Variants in ZNF577 observed in about 807,000 individuals in gnomAD.
The protein encoded by ZNF577 is zinc finger protein 577.
A neutral mutation model predicts 13.9 loss-of-function variants in ZNF577; 14 were observed. The ratio of observed to expected loss-of-function variants is 1.00; its 90% CI spans 0.66 to 1.57. The LOEUF (loss-of-function observed/expected upper bound fraction) is 1.57, where lower values mean the gene tolerates loss of function less well. Ranked by LOEUF, ZNF577 falls within the 40% of genes most tolerant of loss-of-function variation. ZNF577 has a pLI of 0.00. For missense variants in ZNF577, 555 were observed against 579.2 expected, an observed-to-expected ratio of 0.96 and a Z score of 0.43; for synonymous variants, 203 against 202.9, an observed-to-expected ratio of 1.00 and a Z score of 0.00.
chr19:51,808,434 G>A (rs1254669336), intron 10 of ZNF577, among the ~76,000 whole-genome samples: 1 of 152,168 alleles, frequency 6.6e-6, no homozygotes, highest in Non-Finnish European at 1.5e-5. Flanking sequence ...ATCTGTAGGA[G>A]CAGCCAAAAG....
chr19:51,871,479 A>G lies in ZNF577; in HGVS notation c.*1053T>C, dbSNP rs989737404. 3.3e-5 allele frequency: 5 copies of G among 152,102 alleles called. No homozygotes were observed. Among genetic ancestry groups the G allele is most frequent in the Non-Finnish European group, 7.3e-5 (5 of 68,038 alleles). The allele number at this position is 152,102 out of a possible 1,614,324, so 9.4% of individuals were successfully genotyped here. A position where few individuals can be genotyped will look rare whatever the true frequency, so the allele number is the denominator to read the frequency against. Reference sequence around the variant, plus strand: ...ATTTACGTTTAGCAACATTTCAAGCACCATAAATCTCATGTTCTTTTTGGA... The same window carrying G: ...ATTTACGTTTAGCAACATTTCAAGCGCCATAAATCTCATGTTCTTTTTGGA... On this transcript the variant is annotated 3_prime_UTR_variant, in exon 6 of 6. Coordinates refer to ENST00000638348, the MANE Select transcript of ZNF577 (RefSeq NM_001370449.1).
At chr19:51,819,278 T>C (rs2084170009) in intron 9 of ZNF577, among the ~76,000 whole-genome samples, 1 of 152,192 alleles carries the variant, frequency 6.6e-6, no homozygotes, top group Non-Finnish European at 1.5e-5. Flanking sequence ...ATTGGTTATA[T>C]GAGACTAGAG....
At chr19:51,876,878 A>G (rs2084772774) in intron 5 of ZNF577, among the ~76,000 whole-genome samples, 1 of 151,650 alleles carries the variant, frequency 6.6e-6, no homozygotes, top group East Asian at 1.9e-4. Flanking sequence ...CAGTGAGCCA[A>G]GATCACATCA....
At position 51,868,434 on chromosome 19, in the gene ZNF577, C is replaced by T. The variant is rs1048495475; in HGVS notation, c.*4098G>A. ...ATCTGGCCCATGAGAGCAGGAAGAA[C>T]AAGGGCAAACATGTCCCACACAACA... On this transcript the variant is annotated 3_prime_UTR_variant, in exon 6 of 6. Coordinates refer to ENST00000638348, the MANE Select transcript of ZNF577 (RefSeq NM_001370449.1). Among the ~76,000 whole-genome samples, 3 of 152,156 alleles carry T rather than the reference C, an allele frequency of 2.0e-5. No individual in the cohort carries two copies. Among genetic ancestry groups the T allele is most frequent in the African/African-American group, 7.2e-5 (3 of 41,426 alleles).
chr19:51,833,540 T>C (rs2084272186), intron 9 of ZNF577, among the ~76,000 whole-genome samples: 1 of 152,210 alleles, frequency 6.6e-6, no homozygotes, highest in African/African-American at 2.4e-5. Flanking sequence ...GGCATGAGCC[T>C]GTAGGTGATT....
At chr19:51,819,691 GA>G (rs796735165) in intron 9 of ZNF577, among the ~76,000 whole-genome samples, 7 of 150,524 alleles carry the variant, frequency 4.7e-5, no homozygotes, top group African/African-American at 1.7e-4. Context: ...GGTGAGGTGA[GA>G]AAAAAAAAGC....
intron 9 of ZNF577, chr19:51,823,999 C>G (rs1201675968): frequency 1.2e-6 from 2 of 1,614,002 alleles, no homozygotes; most frequent in South Asian, 1.1e-5. Context: ...CGAATGGTCT[C>G]AGTCGCCATG....
chr19:51,843,209 T>C (rs35122610), exon 7 of ZNF577: 11,660 of 153,150 alleles, frequency 0.076, 662 homozygotes, highest in South Asian at 0.22. Flanking sequence ...TAGGTTGTTG[T>C]AATTTTCCAA....
At chr19:51,861,690 G>A (rs1195173468) in intron 5 of ZNF577, 1 of 152,276 alleles carries the variant, frequency 6.6e-6, no homozygotes, top group African/African-American at 2.4e-5. Context: ...TGATTTCTGA[G>A]TAAAGCTTTT....
chr19:51,882,479 TA>T (rs58821740), intron 1 of ZNF577, among the ~76,000 whole-genome samples: 7,152 of 128,248 alleles, frequency 0.056, 229 homozygotes, highest in Non-Finnish European at 0.087. Flanking sequence ...CAGTATCCAA[TA>T]AAAAAAAAAA....
chr19:51,844,079 G>C (rs1262432886), intron 6 of ZNF577, among the ~76,000 whole-genome samples: 1 of 132,966 alleles, frequency 7.5e-6, no homozygotes, highest in Non-Finnish European at 1.6e-5. Flanking sequence ...TTTTACATAA[G>C]TAAGTTACGG....
chr19:51,864,182 C>T (rs1174158105), downstream of ZNF577, among the ~76,000 whole-genome samples: 1 of 152,140 alleles, frequency 6.6e-6, no homozygotes, highest in Admixed American at 6.5e-5. Context: ...TACAGATTTG[C>T]TACATCATAT....
At chr19:51,883,123 G>A (rs1393726873) in intron 1 of ZNF577, among the ~76,000 whole-genome samples, 2 of 151,518 alleles carry the variant, frequency 1.3e-5, no homozygotes, top group Non-Finnish European at 2.9e-5. Flanking sequence ...CTCCTGAGTA[G>A]TTGGGATTAC....
At chr19:51,876,283 G>A (rs1407822502) in intron 5 of ZNF577, among the ~76,000 whole-genome samples, 1 of 152,126 alleles carries the variant, frequency 6.6e-6, no homozygotes, top group African/African-American at 2.4e-5. Flanking sequence ...TTCACATCCT[G>A]GAAGAAGGAA....
chr19:51,853,452 T>G (rs2084389568), intron 5 of ZNF577, among the ~76,000 whole-genome samples: 1 of 152,186 alleles, frequency 6.6e-6, no homozygotes, highest in Non-Finnish European at 1.5e-5. Context: ...CCCTAAGATT[T>G]AACATTTTTT....
chr19:51,887,517 C>G lies in ZNF577; in HGVS notation c.-915G>C, dbSNP rs1480504572. 6.6e-6 allele frequency: 1 copy of G among 152,194 alleles called. No individual in the cohort carries two copies. Among genetic ancestry groups the G allele is most frequent in the Non-Finnish European group, 1.5e-5 (1 of 68,046 alleles). The allele number at this position is 152,194 out of a possible 1,614,324, so 9.4% of individuals were successfully genotyped here. ...AGCAGCAGGGAAGCAAGGGGACCAG[C>G]AGACCCCTTTTTAAGTACGCATGTG... On this transcript the variant is annotated 5_prime_UTR_variant, in exon 1 of 6. Transcript: ENST00000638348.
At chr19:51,855,910 G>A (rs559221690) in intron 5 of ZNF577, 8 of 152,304 alleles carry the variant, frequency 5.3e-5, no homozygotes, top group African/African-American at 1.9e-4. Context: ...GTTGAAGGCT[G>A]ATGGTCTTCA....
chr19:51,834,413 ATTCTT>A (rs1599846298), intron 9 of ZNF577, among the ~76,000 whole-genome samples: 6 of 152,338 alleles, frequency 3.9e-5, no homozygotes, highest in Admixed American at 1.3e-4. Context: ...ACCCAATATA[ATTCTT>A]TTCAAGTGCT....
chr19:51,823,707 G>A (rs756132271), intron 9 of ZNF577: 3 of 1,487,070 alleles, frequency 2.0e-6, no homozygotes, highest in African/African-American at 1.4e-5. Context: ...TGGTGTCACA[G>A]CTGAGAAATG....
Sources: allele counts gnomAD v4.1 joint callset (sites outside exome capture counted in the v4.1 genomes callset), GRCh38; gene constraint gnomAD v4.1.1; transcripts MANE v1.5; gene names NCBI Gene and HGNC (gene_info 2026-07-23, HGNC 2026-07-21).